ZFYVE9: variants seen among roughly 807,000 people sequenced by gnomAD.
The protein encoded by ZFYVE9 is zinc finger FYVE domain-containing protein 9.
Under a neutral mutation model 126.7 loss-of-function variants are expected in ZFYVE9, and 43 were observed. The observed-to-expected ratio is 0.34, with a 90% CI of 0.27 to 0.44. The LOEUF (loss-of-function observed/expected upper bound fraction) is 0.44. ZFYVE9 is among the 20% of genes least tolerant of loss of function. The probability of loss-of-function intolerance (pLI) is 1.00; values close to 1 mark genes in which losing one functional copy is unlikely to be tolerated. For missense variants in ZFYVE9, 1,476 were observed against 1,697.0 expected, an observed-to-expected ratio of 0.87 and a Z score of 2.29; for synonymous variants, 521 against 597.4, an observed-to-expected ratio of 0.87 and a Z score of 1.87.
At chr1:52,299,351 G>A (rs1646010883) in intron 12 of ZFYVE9, among the ~76,000 whole-genome samples, 1 of 152,178 alleles carries the variant, frequency 6.6e-6, no homozygotes, top group Admixed American at 6.5e-5. Context: ...ATAGGGTCAT[G>A]TCATTTGCAA....
intron 13 of ZFYVE9, among the ~76,000 whole-genome samples, chr1:52,308,916 T>C (rs1015966252): frequency 8.5e-5 from 13 of 152,206 alleles, no homozygotes; most frequent in Non-Finnish European, 1.8e-4. Flanking sequence ...GCAAGAAATA[T>C]CTGTTGGATG....
chr1:52,176,681 C>G (rs902131692), intron 1 of ZFYVE9, among the ~76,000 whole-genome samples: 1 of 151,984 alleles, frequency 6.6e-6, no homozygotes, highest in African/African-American at 2.4e-5. Flanking sequence ...TTTACCTAAG[C>G]AAGCCTGGGC....
chr1:52,295,176 C>T (rs1387795383), intron 11 of ZFYVE9, among the ~76,000 whole-genome samples: 1 of 151,836 alleles, frequency 6.6e-6, no homozygotes, highest in Non-Finnish European at 1.5e-5. Context: ...GCCTGGGTGA[C>T]AGAGTGAGAC....
At chr1:52,201,233 T>A (rs1227552692) in intron 1 of ZFYVE9, among the ~76,000 whole-genome samples, 1 of 152,180 alleles carries the variant, frequency 6.6e-6, no homozygotes, top group Non-Finnish European at 1.5e-5. Flanking sequence ...TTTGTTTATT[T>A]TGGTGCTAAT....
intron 10 of ZFYVE9, among the ~76,000 whole-genome samples, chr1:52,286,841 C>T (rs539762242): frequency 1.2e-4 from 19 of 152,244 alleles, no homozygotes; most frequent in African/African-American, 4.6e-4. Context: ...TGCTAGTCAT[C>T]TCTCCATACT....
chr1:52,155,494 A>G (rs1644395073), intron 1 of ZFYVE9, among the ~76,000 whole-genome samples: 1 of 152,088 alleles, frequency 6.6e-6, no homozygotes, highest in South Asian at 2.1e-4. Context: ...TCGGCCTCCC[A>G]AAGTGCTGGG....
chr1:52,257,659 G>A (rs1645534916), intron 4 of ZFYVE9, among the ~76,000 whole-genome samples: 1 of 152,168 alleles, frequency 6.6e-6, no homozygotes, highest in South Asian at 2.1e-4. Flanking sequence ...TCTGAATTTG[G>A]ATATGAATCA....
In ZFYVE9 at chr1:52,142,774, A is replaced by G. The variant is rs1177206528; in HGVS notation, c.-143+371A>G. 6.6e-6 allele frequency among the ~76,000 whole-genome samples: 1 copy of G among 152,140 alleles called. No homozygotes were observed. The highest frequency in any genetic ancestry group is 1.9e-4 in the East Asian group (1 of 5,174). On this transcript the variant is annotated intron_variant, in intron 1 of 18. Transcript: ENST00000287727. The surrounding 1 kb of genome is among the most constrained non-coding windows in gnomAD (Gnocchi z 4.5). The stretch of plus-strand genomic sequence containing the variant: ...AGGGAGGCAGATGACGCCTGTTTGC[A>G]AACAAGCTTTGGCTTCCACGCGTCC...
chr1:52,309,071 C>G (rs914239138), intron 13 of ZFYVE9, among the ~76,000 whole-genome samples: 1 of 152,184 alleles, frequency 6.6e-6, no homozygotes, highest in Non-Finnish European at 1.5e-5. Context: ...CTTATTGACC[C>G]TGAATCCCTA....
At chr1:52,294,632 A>G (rs1645955924) in intron 11 of ZFYVE9, among the ~76,000 whole-genome samples, 1 of 152,216 alleles carries the variant, frequency 6.6e-6, no homozygotes, top group Non-Finnish European at 1.5e-5. Flanking sequence ...CTCAAAGTTA[A>G]GTTCATTGGG....
At chr1:52,261,440 C>G (rs529877760) in intron 4 of ZFYVE9, among the ~76,000 whole-genome samples, 4 of 151,980 alleles carry the variant, frequency 2.6e-5, no homozygotes, top group Admixed American at 1.3e-4. Flanking sequence ...AACCTGAAAC[C>G]CTTGCACTAA....
At chr1:52,320,183 G>A (rs1646226028) in intron 13 of ZFYVE9, among the ~76,000 whole-genome samples, 1 of 151,634 alleles carries the variant, frequency 6.6e-6, no homozygotes, top group Admixed American at 6.6e-5. Context: ...TGATTCTCCT[G>A]CCTCATCCTC....
chr1:52,331,016 G>A (rs902144859), intron 13 of ZFYVE9, among the ~76,000 whole-genome samples: 9 of 151,950 alleles, frequency 5.9e-5, no homozygotes, highest in African/African-American at 1.9e-4. Context: ...ACAGGCACCC[G>A]CCACCACACC....
intron 1 of ZFYVE9, chr1:52,163,009 T>C (rs1445629174): frequency 3.8e-6 from 1 of 266,324 alleles, no homozygotes; most frequent in Admixed American, 4.8e-5. Context: ...ACCCATTTAT[T>C]CTTCCAGATT....
chr1:52,198,379 G>C (rs1644885259), intron 1 of ZFYVE9, among the ~76,000 whole-genome samples: 1 of 151,964 alleles, frequency 6.6e-6, no homozygotes, highest in African/African-American at 2.4e-5. Flanking sequence ...TTACAGGCAT[G>C]GGCTACTGTG....
At chr1:52,327,932 C>A (rs1646307742) in intron 13 of ZFYVE9, among the ~76,000 whole-genome samples, 1 of 151,740 alleles carries the variant, frequency 6.6e-6, no homozygotes, top group African/African-American at 2.4e-5. Flanking sequence ...CAGGACCACA[C>A]CACTGCACTC....
At chr1:52,179,410 G>A (rs986632282) in intron 1 of ZFYVE9, among the ~76,000 whole-genome samples, 15 of 152,126 alleles carry the variant, frequency 9.9e-5, no homozygotes, top group Admixed American at 3.9e-4. Flanking sequence ...TGAGGCGGGC[G>A]GATTGTGTGA....
At chr1:52,310,064 C>G (rs1646124033) in intron 13 of ZFYVE9, among the ~76,000 whole-genome samples, 1 of 149,346 alleles carries the variant, frequency 6.7e-6, no homozygotes, top group Admixed American at 6.7e-5. Flanking sequence ...CTCTGCATCC[C>G]AGGCTCAGGT....
Position 52,346,157 on chromosome 1 carries a change from G to T in ZFYVE9, c.4214G>T (p.Cys1405Phe), listed in dbSNP as rs756690296. ...GTGCCGGTGATCCATGGAGGGGCCT[G>T]CCAGCTTAGTGAGGGCCCCGTTGTC... ...ALVPVIHGGACQLSEGPVVME... is the reference protein window; with the variant it reads ...ALVPVIHGGAFQLSEGPVVME... The change falls in exon 19 of 19, where the codon TGC becomes TTC. Residue 1405 changes from cysteine to phenylalanine, a missense_variant. Coordinates refer to ENST00000287727, the MANE Select transcript of ZFYVE9 (RefSeq NM_004799.4). 6 of 1,612,984 alleles carry T rather than the reference G, an allele frequency of 3.7e-6. No homozygotes were observed. In the South Asian group the frequency reaches 6.6e-5, roughly 18 times the overall value.
Sources: allele counts gnomAD v4.1 joint callset (sites outside exome capture counted in the v4.1 genomes callset), GRCh38; gene constraint gnomAD v4.1.1; non-coding constraint Gnocchi (gnomAD v3.1); transcripts MANE v1.5; gene names NCBI Gene and HGNC (gene_info 2026-07-23, HGNC 2026-07-21).